LARP4B: variants seen among roughly 807,000 people sequenced by gnomAD.
LARP4B encodes la-related protein 4B.
In LARP4B, 12 loss-of-function variants were observed where a neutral mutation model predicts 89.8. That is an observed-to-expected ratio of 0.13 (90% confidence interval 0.09 to 0.22). The LOEUF is 0.22. LARP4B is among the 10% of genes least tolerant of loss of function. LARP4B has a pLI of 1.00. For missense variants in LARP4B, 757 were observed against 947.7 expected (o/e 0.80, Z 2.64); for synonymous variants, 367 against 363.3 (o/e 1.01, Z -0.12).
intron 3 of LARP4B, chr10:869,921 ATAAT>A: frequency 6.3e-6 from 1 of 159,970 alleles, no homozygotes; most frequent in Non-Finnish European, 1.2e-5. Flanking sequence ...AATAATAATA[ATAAT>A]AATAATAATA....
chr10:940,819 G>C, the LARP4B span, among the ~76,000 whole-genome samples: 1 of 152,272 alleles, frequency 6.6e-6, no homozygotes, highest in Admixed American at 6.5e-5. Flanking sequence ...GCGAGACTTT[G>C]AAAAGATGTT....
intron 1 of LARP4B, among the ~76,000 whole-genome samples, chr10:931,178 C>T (rs1830592937): frequency 6.7e-6 from 1 of 149,718 alleles, no homozygotes; most frequent in African/African-American, 2.4e-5. Context: ...GGCCCCGGTC[C>T]TCCTCAGCCC....
At chr10:941,463 G>A in the LARP4B span, among the ~76,000 whole-genome samples, 3 of 151,888 alleles carry the variant, frequency 2.0e-5, no homozygotes, top group Non-Finnish European at 2.9e-5. Context: ...ACAGGCGCCT[G>A]CCACCATGCC....
chr10:890,665 C>A (rs1229824749), intron 1 of LARP4B, among the ~76,000 whole-genome samples: 1 of 152,036 alleles, frequency 6.6e-6, no homozygotes, highest in Non-Finnish European at 1.5e-5. Context: ...AATGAAGAAT[C>A]CCTGGAGCAA....
intron 5 of LARP4B, among the ~76,000 whole-genome samples, chr10:863,123 T>C (rs1265339449): frequency 1.3e-5 from 2 of 152,064 alleles, no homozygotes; most frequent in Non-Finnish European, 2.9e-5. Context: ...CAGCATTCCC[T>C]CTCTATCCCC....
At chr10:916,424 G>A (rs12360270) in intron 1 of LARP4B, among the ~76,000 whole-genome samples, 27,884 of 152,106 alleles carry the variant, frequency 0.18, 2,814 homozygotes, top group Non-Finnish European at 0.23. Flanking sequence ...GGCTGGGCGC[G>A]ATGGCTCATG....
chr10:970,732 T>C, the LARP4B span, among the ~76,000 whole-genome samples: 3 of 152,144 alleles, frequency 2.0e-5, no homozygotes, highest in Non-Finnish European at 2.9e-5. Context: ...TGTGTTTTTT[T>C]CTTCTTATGG....
chr10:826,370 A>G (rs1012693076), intron 11 of LARP4B, among the ~76,000 whole-genome samples: 4 of 152,226 alleles, frequency 2.6e-5, no homozygotes, highest in African/African-American at 9.7e-5. Context: ...TGCTCTGCAG[A>G]TCAGGGTATT....
chr10:937,558 T>C, the LARP4B span, among the ~76,000 whole-genome samples: 28,619 of 152,110 alleles, frequency 0.19, 2,925 homozygotes, highest in Non-Finnish European at 0.23. Context: ...AAGTAATCAA[T>C]GTTAGCATCA....
At chr10:816,273 A>G (rs140023923) in intron 15 of LARP4B, among the ~76,000 whole-genome samples, 52 of 152,348 alleles carry the variant, frequency 3.4e-4, no homozygotes, top group African/African-American at 1.2e-3. Context: ...TGCAGTCCCA[A>G]TGCAAATGAA....
intron 5 of LARP4B, among the ~76,000 whole-genome samples, chr10:852,077 G>GT (rs1834083716): frequency 6.6e-6 from 1 of 151,786 alleles, no homozygotes; most frequent in African/African-American, 2.4e-5. Flanking sequence ...ACTAAACTAA[G>GT]TAAGTTTAGT....
intron 1 of LARP4B, among the ~76,000 whole-genome samples, chr10:893,976 T>C (rs1836115128): frequency 6.6e-6 from 1 of 152,170 alleles, no homozygotes. Context: ...CATTTCTGAA[T>C]AACCAAAAAG....
intron 7 of LARP4B, among the ~76,000 whole-genome samples, chr10:840,987 A>C (rs1464973321): frequency 7.9e-5 from 12 of 152,146 alleles, no homozygotes. Flanking sequence ...CCTCGTCTCT[A>C]CTAAAAGTAC....
chr10:938,352 G>T, the LARP4B span, among the ~76,000 whole-genome samples: 1 of 151,264 alleles, frequency 6.6e-6, no homozygotes, highest in East Asian at 1.9e-4. Context: ...CCGGGTTCAC[G>T]CCATTCTCCT....
intron 3 of LARP4B, among the ~76,000 whole-genome samples, chr10:867,798 T>C (rs1588940799): frequency 6.7e-6 from 1 of 148,568 alleles, no homozygotes; most frequent in African/African-American, 2.5e-5. Context: ...GAGGCGGAGG[T>C]TGCAGTGAGC....
the LARP4B span, among the ~76,000 whole-genome samples, chr10:938,873 G>A: frequency 3.3e-5 from 5 of 152,176 alleles, no homozygotes; most frequent in Admixed American, 2.0e-4. Flanking sequence ...ATTTATGAAT[G>A]CCATGGTATT....
chr10:830,782 A>G (rs1832863064), intron 9 of LARP4B, 85 bp downstream of exon 9: 1 of 673,446 alleles, frequency 1.5e-6, no homozygotes, highest in Non-Finnish European at 2.7e-6. Context: ...AAGTAATCTC[A>G]ATGCCCAAGT....
rs774392995 is a variant in LARP4B, at chr10:814,958, G to A, written c.1808C>T (p.Ala603Val). The A allele has an allele frequency of 3.6e-5, 58 of 1,597,718 alleles. No homozygotes were observed. Among genetic ancestry groups the A allele is most frequent in the Non-Finnish European group, 4.6e-5 (54 of 1,170,086 alleles). The change falls in exon 16 of 18, where the codon GCT becomes GTT. Residue 603 changes from alanine to valine, a missense_variant. By Grantham distance (64) the Ala-to-Val change is moderately conservative. Transcript: ENST00000316157. This position sits in a 1 kb window ranked among gnomAD's most constrained non-coding sequence, Gnocchi z 4.4. ...CACCAATACTCACTCGGGTAAATGAGCTGGGGAGGGGGATCGCTCGTACGT... is the reference window on the plus strand; with the variant it reads ...CACCAATACTCACTCGGGTAAATGAACTGGGGAGGGGGATCGCTCGTACGT... ...SATYERSPSP[A>V]HLPDDPKVAE... is the part of the protein sequence containing the mutation.
the LARP4B span, among the ~76,000 whole-genome samples, chr10:950,514 ATCT>A: frequency 6.6e-6 from 1 of 152,176 alleles, no homozygotes; most frequent in African/African-American, 2.4e-5. Context: ...TTTTAGAAAA[ATCT>A]TCTCTATGTC....
Sources: gnomAD v4.1 joint callset for allele counts (sites outside exome capture counted in the v4.1 genomes callset) on GRCh38, gnomAD v4.1.1 for gene constraint, Gnocchi (gnomAD v3.1) non-coding constraint, MANE v1.5 for transcripts, NCBI Gene and HGNC (gene_info 2026-07-23, HGNC 2026-07-21) for gene names.